Variants in PRKN observed in about 807,000 individuals in gnomAD.
The protein encoded by PRKN is E3 ubiquitin-protein ligase parkin.
PRKN carries 56 observed loss-of-function variants against 59.5 expected under a neutral mutation model. The ratio of observed to expected loss-of-function variants is 0.94; its 90% CI spans 0.76 to 1.18. The LOEUF (loss-of-function observed/expected upper bound fraction) is 1.18, where lower values mean the gene tolerates loss of function less well. Ranked by LOEUF, PRKN falls within the 50% of genes most tolerant of loss-of-function variation. The probability of loss-of-function intolerance (pLI) is 0.00; values close to 1 mark genes in which losing one functional copy is unlikely to be tolerated. For synonymous variants in PRKN, 250 were observed against 222.1 expected, an observed-to-expected ratio of 1.13 and a Z score of -1.12; for missense variants, 657 against 596.4, an observed-to-expected ratio of 1.10 and a Z score of -1.06.
intron 5 of PRKN, among the ~76,000 whole-genome samples, chr6:162,051,751 A>G (rs1777655458): frequency 6.6e-6 from 1 of 152,238 alleles, no homozygotes; most frequent in East Asian, 1.9e-4. Flanking sequence ...CCGCCCCCAC[A>G]TGATCAAAGA....
rs988398804 is a variant in PRKN at position 161,877,244 on chromosome 6, C to T, written c.735-91336G>A. On this transcript the variant is annotated intron_variant, in intron 6 of 11. Transcript: ENST00000366898. ...CCACTGGTGTCCCCCACTCCAGCCA[C>T]GGCGGCCCCATTCCTCCTGTCTGGA... Among the ~76,000 whole-genome samples the T allele has an allele frequency of 3.3e-5, 5 of 152,094 alleles. 1 individual carries two copies. Among genetic ancestry groups the T allele is most frequent in the South Asian group, 4.2e-4 (2 of 4,786 alleles).
chr6:161,580,729 C>T (rs1029752727), intron 7 of PRKN, among the ~76,000 whole-genome samples: 10 of 151,994 alleles, frequency 6.6e-5, no homozygotes, highest in East Asian at 3.9e-4. Flanking sequence ...CCACCCGCCT[C>T]GGCCCCCCAA....
At chr6:161,699,539 T>G (rs115768751) in intron 7 of PRKN, among the ~76,000 whole-genome samples, 1,980 of 152,278 alleles carry the variant, frequency 0.013, 48 homozygotes, top group African/African-American at 0.044. Flanking sequence ...ATGGATAACC[T>G]TAATATAATC....
intron 2 of PRKN, among the ~76,000 whole-genome samples, chr6:162,403,682 G>A (rs1370697867): frequency 1.3e-5 from 2 of 152,074 alleles, no homozygotes; most frequent in African/African-American, 4.8e-5. Context: ...CAGGAATGGG[G>A]AAAAAAGTGT....
At chr6:162,381,234 G>A (rs935641190) in intron 2 of PRKN, among the ~76,000 whole-genome samples, 2 of 151,880 alleles carry the variant, frequency 1.3e-5, no homozygotes, top group African/African-American at 2.4e-5. Flanking sequence ...TTACTCCCCC[G>A]TCACATCCTC....
chr6:162,708,805 T>C (rs1237935647), intron 1 of PRKN, among the ~76,000 whole-genome samples: 1 of 152,170 alleles, frequency 6.6e-6, no homozygotes, highest in African/African-American at 2.4e-5. Flanking sequence ...CTACATATCT[T>C]ACTGCAGGGG....
rs1186164720 is a variant in PRKN at position 162,158,391 on chromosome 6, C to G, written c.534+42740G>C. 2.0e-5 allele frequency among the ~76,000 whole-genome samples: 3 copies of G among 146,814 alleles called. No individual in the cohort carries two copies. In the East Asian group the frequency reaches 6.1e-4, roughly 30 times the overall value. On this transcript the variant is annotated intron_variant, in intron 4 of 11. Transcript: ENST00000366898. ...ACTTATCTTGTAGAGTGTAAAAGAC[C>G]AAAGCTTTTTGTTTGTTTGTTTGCG...
rs899899749 is a variant in PRKN at position 161,550,077 on chromosome 6, G to T, written c.934-1074C>A. ...CAAATGTCTGAAGGAGATTAGAAAT[G>T]CAAGTCACATGGATCCCTGGGGGAA... On this transcript the variant is annotated intron_variant, in intron 8 of 11. Coordinates refer to ENST00000366898, the MANE Select transcript of PRKN (RefSeq NM_004562.3). This position sits in a 1 kb window ranked among gnomAD's most constrained non-coding sequence, Gnocchi z 4.0. 1.3e-5 allele frequency among the ~76,000 whole-genome samples: 2 copies of T among 152,216 alleles called. No individual in the cohort carries two copies. Among genetic ancestry groups the T allele is most frequent in the African/African-American group, 4.8e-5 (2 of 41,466 alleles).
rs541493653 is a variant in PRKN at position 162,611,952 on chromosome 6, A to G, written c.7+115710T>C. 1.1e-3 allele frequency among the ~76,000 whole-genome samples: 169 copies of G among 151,978 alleles called. 1 individual carries two copies. Among genetic ancestry groups the G allele is most frequent in the East Asian group, 6.6e-3 (34 of 5,156 alleles). ...TGTAATCCCAGCACTTTGGGAGGCCAAGGCGGGCGTATCATAAGGTCAGGA... is the reference window on the plus strand; with the variant it reads ...TGTAATCCCAGCACTTTGGGAGGCCGAGGCGGGCGTATCATAAGGTCAGGA... On this transcript the variant is annotated intron_variant, in intron 1 of 11. Coordinates refer to ENST00000366898, the MANE Select transcript of PRKN (RefSeq NM_004562.3).
At chr6:162,650,593 G>A (rs1315423171) in intron 1 of PRKN, among the ~76,000 whole-genome samples, 4 of 97,890 alleles carry the variant, frequency 4.1e-5, no homozygotes, top group Admixed American at 1.2e-4. Context: ...GCGAGACTCC[G>A]TCTCAAAAAA....
chr6:162,296,449 C>T (rs957386871), intron 2 of PRKN, among the ~76,000 whole-genome samples: 2 of 152,128 alleles, frequency 1.3e-5, no homozygotes, highest in Admixed American at 1.3e-4. Flanking sequence ...TTTAAGGACC[C>T]TCTGGCTGGC....
intron 1 of PRKN, among the ~76,000 whole-genome samples, chr6:162,452,120 T>C (rs544497583): frequency 4.5e-4 from 68 of 152,222 alleles, no homozygotes; most frequent in Admixed American, 1.4e-3. Context: ...AAGCAAAAAA[T>C]GCTTGTCAAT....
chr6:161,902,510 T>C (rs1162651291), intron 6 of PRKN, among the ~76,000 whole-genome samples: 1 of 149,114 alleles, frequency 6.7e-6, no homozygotes, highest in Non-Finnish European at 1.5e-5. Flanking sequence ...TGTGTGTAAA[T>C]GTAATAGACA....
At chr6:161,859,798 T>A (rs564137753) in intron 6 of PRKN, among the ~76,000 whole-genome samples, 1 of 152,072 alleles carries the variant, frequency 6.6e-6, no homozygotes. Flanking sequence ...CCTAAAACTA[T>A]GGTTTTATCC....
rs893445654 is a variant in PRKN, at chr6:161,875,114, T to A, written c.735-89206A>T. ...TATTATATATAAAGTATATATATTATATATAAAGTATATATTATATATAAT... is the reference window on the plus strand; with the variant it reads ...TATTATATATAAAGTATATATATTAAATATAAAGTATATATTATATATAAT... On this transcript the variant is annotated intron_variant, in intron 6 of 11. Transcript: ENST00000366898. 3.0e-5 allele frequency among the ~76,000 whole-genome samples: 4 copies of A among 132,900 alleles called. 2 individuals are homozygous for A. Among genetic ancestry groups the A allele is most frequent in the African/African-American group, 1.2e-4 (4 of 33,624 alleles). The allele number at this position is 132,900 out of a possible 152,430, so 87.2% of individuals were successfully genotyped here.
chr6:161,572,082 T>C (rs770052295), intron 7 of PRKN, among the ~76,000 whole-genome samples: 1 of 152,152 alleles, frequency 6.6e-6, no homozygotes, highest in Non-Finnish European at 1.5e-5. Flanking sequence ...CATAATTGTG[T>C]GAGCCCTTCC....
intron 7 of PRKN, among the ~76,000 whole-genome samples, chr6:161,590,680 C>T (rs1454340092): frequency 6.6e-6 from 1 of 151,460 alleles, no homozygotes; most frequent in Non-Finnish European, 1.5e-5. Context: ...TTGTGGTGGG[C>T]CAAGATCATG....
At chr6:161,929,698 G>C (rs1351352021) in intron 6 of PRKN, among the ~76,000 whole-genome samples, 1 of 151,668 alleles carries the variant, frequency 6.6e-6, no homozygotes, top group Non-Finnish European at 1.5e-5. Context: ...TAATTTTTTA[G>C]TAGAAACGGG....
chr6:161,905,928 TAA>T (rs750946937), intron 6 of PRKN, among the ~76,000 whole-genome samples: 59 of 104,968 alleles, frequency 5.6e-4, no homozygotes, highest in Admixed American at 1.5e-3. Context: ...CCACTGCATC[TAA>T]AAAAAAAAAA....
Sources: gnomAD v4.1 joint callset for allele counts (sites outside exome capture counted in the v4.1 genomes callset) on GRCh38, gnomAD v4.1.1 for gene constraint, Gnocchi (gnomAD v3.1) non-coding constraint, MANE v1.5 for transcripts, NCBI Gene and HGNC (gene_info 2026-07-23, HGNC 2026-07-21) for gene names.